The following KIF13A variants were observed in gnomAD, a reference collection of about 807,000 sequenced individuals.
The protein encoded by KIF13A is kinesin family member 13A.
KIF13A carries 79 observed loss-of-function variants against 212.2 expected under a neutral mutation model. That is an observed-to-expected ratio of 0.37 (90% confidence interval 0.31 to 0.45). The LOEUF (loss-of-function observed/expected upper bound fraction) is 0.45. Among genes scored for constraint, KIF13A ranks in the 20% least tolerant of loss-of-function variants. KIF13A has a pLI of 1.00. For missense variants in KIF13A, 1,901 were observed against 2,209.0 expected (o/e 0.86, Z 2.79); for synonymous variants, 789 against 808.6 (o/e 0.98, Z 0.41).
At chr6:17,864,651 T>C (rs1432578353) in intron 4 of KIF13A, among the ~76,000 whole-genome samples, 4 of 152,188 alleles carry the variant, frequency 2.6e-5, no homozygotes, top group Admixed American at 2.0e-4. Context: ...CCACCACTTA[T>C]GGCTAATTTT....
chr6:17,797,540 A>G (rs905712309), intron 22 of KIF13A, among the ~76,000 whole-genome samples: 1 of 152,130 alleles, frequency 6.6e-6, no homozygotes, highest in African/African-American at 2.4e-5. Context: ...TAAATTTTAT[A>G]TGGTTATCTT....
At position 17,837,015 on chromosome 6, in the gene KIF13A, G is replaced by A; in HGVS notation, c.1018C>T (p.Leu340Phe). The A allele has an allele frequency of 6.2e-7, 1 of 1,613,924 alleles. No homozygotes were observed. ...SPAADNYEET[L>F]STLRYADRAK... is the part of the protein sequence containing the mutation. ...CGGTCTGCATATCTTAATGTGGAGA[G>A]GGTCTCTTCATAGTTGTCTGCGGCT... The change falls in exon 11 of 39, where the codon CTC becomes TTC. Residue 340 changes from leucine to phenylalanine, a missense_variant. By Grantham distance (22) the Leu-to-Phe change is conservative. Around this residue, in one of 5 missense-constraint regions of KIF13A, gnomAD observed 506 missense variants for 637.4 expected, o/e 0.79. Coordinates refer to ENST00000259711, the MANE Select transcript of KIF13A (RefSeq NM_022113.6). This position sits in a 1 kb window ranked among gnomAD's most constrained non-coding sequence, Gnocchi z 5.4.
chr6:17,875,134 G>T (rs557793206), intron 3 of KIF13A, among the ~76,000 whole-genome samples: 4 of 151,704 alleles, frequency 2.6e-5, no homozygotes, highest in African/African-American at 9.7e-5. Flanking sequence ...TATCTTTTTC[G>T]TATAATGACT....
At chr6:17,952,390 C>T (rs185820266) in intron 2 of KIF13A, among the ~76,000 whole-genome samples, 35 of 148,880 alleles carry the variant, frequency 2.4e-4, no homozygotes, top group African/African-American at 6.7e-4. Context: ...CCCAACACTG[C>T]GGGTGGCTGG....
Position 17,764,677 on chromosome 6 carries a change from A to T in KIF13A, c.4851T>A (p.Ser1617Arg), listed in dbSNP as rs770021543. 5.6e-6 allele frequency: 9 copies of T among 1,613,624 alleles called. No individual in the cohort carries two copies. Among genetic ancestry groups the T allele is most frequent in the Non-Finnish European group, 7.6e-6 (9 of 1,179,802 alleles). ...GAATGGCCAGCTGGTCTGAGCTGTC[A>T]CTAGAAGGGACCACCATGTCAGACA... ...ATLSDMVVPS[S>R]DSSDQLAIQT... The change falls in exon 39 of 39, where the codon AGT becomes AGA. Residue 1617 changes from serine (S) to arginine (R), a missense_variant. By Grantham distance (110) the Ser-to-Arg change is moderately radical. Transcript: ENST00000259711. The surrounding 1 kb of genome is among the most constrained non-coding windows in gnomAD (Gnocchi z 5.1).
At chr6:17,917,672 C>T (rs1015947766) in intron 2 of KIF13A, among the ~76,000 whole-genome samples, 5 of 152,186 alleles carry the variant, frequency 3.3e-5, no homozygotes, top group Non-Finnish European at 7.3e-5. Context: ...GGATTAAAAC[C>T]TAGTTCAGGG....
intron 31 of KIF13A, among the ~76,000 whole-genome samples, chr6:17,780,436 C>T (rs1350816382): frequency 1.3e-5 from 2 of 152,242 alleles, no homozygotes; most frequent in South Asian, 2.1e-4. Context: ...GGACCTGGCA[C>T]TTAATCTCTC....
At chr6:17,975,263 G>A (rs912926629) in intron 2 of KIF13A, among the ~76,000 whole-genome samples, 7 of 152,204 alleles carry the variant, frequency 4.6e-5, no homozygotes, top group Admixed American at 3.3e-4. Flanking sequence ...TCAGGCAGGA[G>A]AATTGTTTGA....
rs764541930 is a variant in KIF13A at position 17,856,838 on chromosome 6, G to A, written c.221-716C>T. 6.6e-6 allele frequency among the ~76,000 whole-genome samples: 1 copy of A among 152,132 alleles called. No homozygotes were observed. The highest frequency in any genetic ancestry group is 1.5e-5 in the Non-Finnish European group (1 of 68,020). On this transcript the variant is annotated intron_variant, in intron 4 of 38. Transcript: ENST00000259711. This position sits in a 1 kb window ranked among gnomAD's most constrained non-coding sequence, Gnocchi z 4.5. ...TTGGTGATTTTCTAATATTCATTCT[G>A]TATCACTAAGACAATTAGACTTATG...
At chr6:17,821,259 T>C (rs7774470) in intron 16 of KIF13A, among the ~76,000 whole-genome samples, 69,395 of 152,018 alleles carry the variant, frequency 0.46, 16,244 homozygotes, top group South Asian at 0.53. Flanking sequence ...AAGGCATTAT[T>C]GTCCACAAAT....
Position 17,814,038 on chromosome 6 carries a change from C to T in KIF13A, c.2000+2982G>A, listed in dbSNP as rs1487034430. Among the ~76,000 whole-genome samples, 10 of 146,702 alleles carry T rather than the reference C, an allele frequency of 6.8e-5. No homozygotes were observed. The East Asian group carries it at 8.1e-4, about 12-fold the overall frequency. On this transcript the variant is annotated intron_variant, in intron 17 of 38. Coordinates refer to ENST00000259711, the MANE Select transcript of KIF13A (RefSeq NM_022113.6). ...CATGATCTCAGCTCACTGCAAGCTCCGCCTCCCAGGTTCACGCCATTCTCC... is the reference window on the plus strand; with the variant it reads ...CATGATCTCAGCTCACTGCAAGCTCTGCCTCCCAGGTTCACGCCATTCTCC...
At chr6:17,913,932 G>A (rs1774280368) in intron 2 of KIF13A, among the ~76,000 whole-genome samples, 1 of 152,204 alleles carries the variant, frequency 6.6e-6, no homozygotes, top group South Asian at 2.1e-4. Context: ...GTGCCAGCCT[G>A]TTTGTCAACT....
Position 17,947,795 on chromosome 6 carries a change from T to G in KIF13A, c.146+39259A>C, listed in dbSNP as rs1777536169. Reference sequence around the variant, plus strand: ...AGTGGAGGTTGCAGTGAGCCGAGATTGCGCCATTGCGCTCCAGCCTGTGTG... The same window carrying G: ...AGTGGAGGTTGCAGTGAGCCGAGATGGCGCCATTGCGCTCCAGCCTGTGTG... On this transcript the variant is annotated intron_variant, in intron 2 of 38. Transcript: ENST00000259711. The surrounding 1 kb of genome is among the most constrained non-coding windows in gnomAD (Gnocchi z 4.6). Among the ~76,000 whole-genome samples the G allele has an allele frequency of 6.6e-6, 1 of 152,036 alleles. No individual in the cohort carries two copies. The highest frequency in any genetic ancestry group is 2.1e-4 in the South Asian group (1 of 4,816).
At position 17,764,617 on chromosome 6, in the gene KIF13A, T is replaced by G; in HGVS notation, c.4911A>C (p.Thr1637=). The change falls in exon 39 of 39, where the codon ACA becomes ACC. Residue 1637 remains threonine (T), a synonymous_variant. Coordinates refer to ENST00000259711, the MANE Select transcript of KIF13A (RefSeq NM_022113.6). The surrounding 1 kb of genome is among the most constrained non-coding windows in gnomAD (Gnocchi z 5.1). ...TKDADSTEHS[T]PSLVHDFRPS... is the part of the protein sequence containing the mutation. ...GCCTGAAATCATGCACAAGCGATGG[T>G]GTGGAGTGCTCGGTGGAGTCTGCAT... 2.5e-6 allele frequency: 4 copies of G among 1,613,952 alleles called. No individual in the cohort carries two copies. Among genetic ancestry groups the G allele is most frequent in the Non-Finnish European group, 3.4e-6 (4 of 1,179,886 alleles).
Position 17,872,618 on chromosome 6 carries a change from A to G in KIF13A, c.220+759T>C, listed in dbSNP as rs930012847. 2.0e-5 allele frequency among the ~76,000 whole-genome samples: 3 copies of G among 152,194 alleles called. No homozygotes were observed. Among genetic ancestry groups the G allele is most frequent in the African/African-American group, 4.8e-5 (2 of 41,454 alleles). On this transcript the variant is annotated intron_variant, in intron 4 of 38. Transcript: ENST00000259711. This position sits in a 1 kb window ranked among gnomAD's most constrained non-coding sequence, Gnocchi z 4.7. Reference sequence around the variant, plus strand: ...ACACTGTACATGATAAATATATGCAACTTTCATTTGCCAGTTAGAAAAATA... The same window carrying G: ...ACACTGTACATGATAAATATATGCAGCTTTCATTTGCCAGTTAGAAAAATA...
Position 17,811,935 on chromosome 6 carries a change from C to T in KIF13A, c.2001-3005G>A, listed in dbSNP as rs1193908320. The T allele has an allele frequency of 6.6e-6, 1 of 152,052 alleles. No homozygotes were observed. Among genetic ancestry groups the T allele is most frequent in the African/African-American group, 2.4e-5 (1 of 41,366 alleles). The allele number at this position is 152,052 out of a possible 1,614,324, so 9.4% of individuals were successfully genotyped here. On this transcript the variant is annotated intron_variant, in intron 17 of 38. Coordinates refer to ENST00000259711, the MANE Select transcript of KIF13A (RefSeq NM_022113.6). This position sits in a 1 kb window ranked among gnomAD's most constrained non-coding sequence, Gnocchi z 6.0. The stretch of plus-strand genomic sequence containing the variant: ...GCTATTCAGAGGCATGATCACAGTG[C>T]ACTACAGCTTGAAACTCCTGGGCGC...
chr6:17,849,149 C>T lies in KIF13A; in HGVS notation c.830+228G>A, dbSNP rs1310270921. ...AACTCCTGACCTCAGGTGATCTGCC[C>T]GCCTTGGCTTCCCAAAGTACTGGGA... On this transcript the variant is annotated intron_variant, in intron 9 of 38. Transcript: ENST00000259711. The surrounding 1 kb of genome is among the most constrained non-coding windows in gnomAD (Gnocchi z 5.7). Among the ~76,000 whole-genome samples, 4 of 152,166 alleles carry T rather than the reference C, an allele frequency of 2.6e-5. No individual in the cohort carries two copies. Among genetic ancestry groups the T allele is most frequent in the Non-Finnish European group, 4.4e-5 (3 of 68,030 alleles).
rs754041229 is a variant in KIF13A, at chr6:17,829,736, T to C, written c.1401+1365A>G. Among the ~76,000 whole-genome samples, 13 of 152,280 alleles carry C rather than the reference T, an allele frequency of 8.5e-5. No homozygotes were observed. Among genetic ancestry groups the C allele is most frequent in the Non-Finnish European group, 1.5e-4 (10 of 68,022 alleles). On this transcript the variant is annotated intron_variant, in intron 13 of 38. Coordinates refer to ENST00000259711, the MANE Select transcript of KIF13A (RefSeq NM_022113.6). This position sits in a 1 kb window ranked among gnomAD's most constrained non-coding sequence, Gnocchi z 5.4. Reference sequence around the variant, plus strand: ...GAGACAATTCCTTACCCCTACTCATTGCCTAAATGAACAGATCTTAAGTTT... The same window carrying C: ...GAGACAATTCCTTACCCCTACTCATCGCCTAAATGAACAGATCTTAAGTTT...
chr6:17,946,131 A>C (rs910061296), intron 2 of KIF13A, among the ~76,000 whole-genome samples: 1 of 151,134 alleles, frequency 6.6e-6, no homozygotes, highest in Non-Finnish European at 1.5e-5. Context: ...TAACCCTTTA[A>C]AAAAAATAGG....
Sources: allele counts gnomAD v4.1 joint callset (sites outside exome capture counted in the v4.1 genomes callset), GRCh38; gene constraint gnomAD v4.1.1; regional missense constraint gnomAD v4.1.1; non-coding constraint Gnocchi (gnomAD v3.1); transcripts MANE v1.5; gene names NCBI Gene and HGNC (gene_info 2026-07-23, HGNC 2026-07-21).